NCAPG2: variants seen among roughly 807,000 people sequenced by gnomAD.
NCAPG2 encodes the protein non-SMC condensin II complex subunit G2, also known as condensin-2 complex subunit G2.
NCAPG2 carries 53 observed loss-of-function variants against 141.1 expected under a neutral mutation model. The observed-to-expected ratio is 0.38, with a 90% confidence interval of 0.30 to 0.47. The LOEUF (loss-of-function observed/expected upper bound fraction) is 0.47, where lower values mean the gene tolerates loss of function less well. Among genes scored for constraint, NCAPG2 ranks in the 20% least tolerant of loss-of-function variants. NCAPG2 has a pLI of 0.99. For synonymous variants in NCAPG2, 499 were observed against 490.7 expected (o/e 1.02, Z -0.22); for missense variants, 1,087 against 1,389.0 (o/e 0.78, Z 3.46).
chr7:158,681,126 G>A (rs111326405), intron 9 of NCAPG2, among the ~76,000 whole-genome samples: 12 of 152,176 alleles, frequency 7.9e-5, no homozygotes, highest in Non-Finnish European at 1.3e-4. Context: ...AAAAAGACTC[G>A]TTTAAACCTC....
chr7:158,634,803 C>T (rs1002563430), intron 27 of NCAPG2, among the ~76,000 whole-genome samples: 10 of 152,106 alleles, frequency 6.6e-5, no homozygotes, highest in East Asian at 1.9e-4. Flanking sequence ...AAGAATTGAA[C>T]ACACTATGTA....
At chr7:158,635,210 T>C (rs1053524732) in intron 27 of NCAPG2, among the ~76,000 whole-genome samples, 9 of 152,326 alleles carry the variant, frequency 5.9e-5, no homozygotes, top group Middle Eastern at 3.4e-3. Context: ...GTATGGATGA[T>C]GGAAGCATAC....
At chr7:158,694,533 C>G in intron 2 of NCAPG2, among the ~76,000 whole-genome samples, 1 of 152,188 alleles carries the variant, frequency 6.6e-6, no homozygotes, top group East Asian at 1.9e-4. Flanking sequence ...CCTGTCTTGA[C>G]AGCGCCGAGG....
At chr7:158,655,584 G>C (rs1831854493) in intron 19 of NCAPG2, 129 bp from the exon 20 acceptor site, 1 of 406,278 alleles carries the variant, frequency 2.5e-6, no homozygotes, top group Non-Finnish European at 3.9e-6. Flanking sequence ...GTGAAGCCCA[G>C]TGTCTGCTGA....
At chr7:158,668,550 T>G in intron 13 of NCAPG2, 1 of 586,284 alleles carries the variant, frequency 1.7e-6, no homozygotes, top group Non-Finnish European at 2.1e-6. Flanking sequence ...AGTCCGGCAG[T>G]GTGGCCTGGA....
chr7:158,672,280 GTGTGTGTGTGTGTATATATATA>G (rs1279489551), intron 12 of NCAPG2, among the ~76,000 whole-genome samples: 3,289 of 50,326 alleles, frequency 0.065, 156 homozygotes, highest in South Asian at 0.16. Flanking sequence ...CCAAACACAT[GTGTGTGTGTGTGTATATATATA>G]TATATATATA....
intron 24 of NCAPG2, 98 bp from the exon 25 acceptor site, chr7:158,646,661 T>C: frequency 1.4e-6 from 1 of 698,684 alleles, no homozygotes; most frequent in Non-Finnish European, 2.4e-6. Flanking sequence ...AAGAAAAACT[T>C]TCTAGAAATT....
At chr7:158,671,454 T>C in intron 13 of NCAPG2, 60 bp downstream of exon 13, 1 of 1,586,292 alleles carries the variant, frequency 6.3e-7, no homozygotes, top group Non-Finnish European at 8.6e-7. Context: ...ACTTTCTTTC[T>C]GTTTGATGAA....
At chr7:158,693,668 TA>T (rs1285054783) in intron 2 of NCAPG2, among the ~76,000 whole-genome samples, 171 bp from the exon 3 acceptor site, 1 of 152,230 alleles carries the variant, frequency 6.6e-6, no homozygotes, top group Non-Finnish European at 1.5e-5. Context: ...ATTCTCCACC[TA>T]TTCTTTCCTA....
intron 12 of NCAPG2, among the ~76,000 whole-genome samples, chr7:158,674,288 ATTTT>A (rs34536237): frequency 1.7e-5 from 2 of 114,416 alleles, no homozygotes; most frequent in Non-Finnish European, 1.8e-5. Flanking sequence ...AAAAAAAAAA[ATTTT>A]TTTTTTTTTT....
chr7:158,656,441 A>G lies in NCAPG2; in HGVS notation c.2215-8T>C. ...TTTAGAAGCTGTGTTGCTCTGAAAG[A>G]AGAGAGAGAGAAACTGATAATGAAA... On this transcript the variant is annotated splice_region_variant and splice_polypyrimidine_tract_variant and intron_variant, in intron 18 of 27. Transcript: ENST00000356309. 1 of 1,612,930 alleles carries G rather than the reference A, an allele frequency of 6.2e-7. No individual in the cohort carries two copies. The highest frequency in any genetic ancestry group is 2.2e-5 in the East Asian group (1 of 44,876).
chr7:158,660,258 G>A (rs998761279), intron 16 of NCAPG2, among the ~76,000 whole-genome samples: 1 of 152,056 alleles, frequency 6.6e-6, no homozygotes, highest in African/African-American at 2.4e-5. Context: ...AGAATTAACT[G>A]AATCCCAAGA....
chr7:158,700,349 C>T (rs1835704045), intron 2 of NCAPG2, among the ~76,000 whole-genome samples: 1 of 152,204 alleles, frequency 6.6e-6, no homozygotes, highest in African/African-American at 2.4e-5. Context: ...CAACGGGTGG[C>T]TGGAAACAAC....
Position 158,687,442 on chromosome 7 carries a change from C to A in NCAPG2, c.673G>T (p.Gly225Ter). 6.3e-7 allele frequency: 1 copy of A among 1,586,800 alleles called. No homozygotes were observed. Among genetic ancestry groups the A allele is most frequent in the Non-Finnish European group, 8.6e-7 (1 of 1,165,214 alleles). Residue 225 changes from glycine (G) to a stop codon, truncating the protein, a stop_gained and splice_region_variant, in exon 7 of 28, where the codon GGA (glycine) becomes TGA (stop). Transcript: ENST00000356309. LOFTEE classifies it high-confidence loss of function. Reference sequence around the variant, plus strand: ...AAGAGACAACTAAGAAATCTTCTTCCCTAGAAATAAAAAAGGATAGAATGT... The same window carrying A: ...AAGAGACAACTAAGAAATCTTCTTCACTAGAAATAAAAAAGGATAGAATGT... ...ININYIKKEE[G>*]RRFLSCLFNW...
Position 158,652,341 on chromosome 7 carries a change from C to T in NCAPG2, c.2886G>A (p.Leu962=), listed in dbSNP as rs1202829221. 6.2e-7 allele frequency: 1 copy of T among 1,613,904 alleles called. No homozygotes were observed. The highest frequency in any genetic ancestry group is 1.1e-5 in the South Asian group (1 of 90,954). ...DTVQKVFQKM[L]ECIARSFRKQ... is the part of the protein sequence containing the mutation. ...TCCTGAAGCTCCGTGCAATACATTC[C>T]AACATTTTCTGAAATACTTTCTGGA... is the stretch of plus-strand genomic sequence containing the variant. The change falls in exon 23 of 28, where the codon TTG becomes TTA. Residue 962 remains leucine (L), a synonymous_variant. Transcript: ENST00000356309.
Position 158,655,113 on chromosome 7 carries a change from C to CT in NCAPG2, c.2646+4dup. On this transcript the variant is annotated splice_donor_region_variant and intron_variant, in intron 21 of 27. Transcript: ENST00000356309. ...GAAAGTTTTCTGTGTCTTAAGACTT[C>CT]TAACCTGGATAATTTGCTGATAAAT... 6.2e-7 allele frequency: 1 copy of CT among 1,606,146 alleles called. No individual in the cohort carries two copies. Among genetic ancestry groups the CT allele is most frequent in the Non-Finnish European group, 8.5e-7 (1 of 1,177,962 alleles).
chr7:158,687,044 G>C (rs1390142617), intron 7 of NCAPG2, among the ~76,000 whole-genome samples: 1 of 151,980 alleles, frequency 6.6e-6, no homozygotes, highest in Non-Finnish European at 1.5e-5. Flanking sequence ...CAACCAAAAA[G>C]CACACATTGC....
chr7:158,666,631 G>T (rs1832961836), intron 13 of NCAPG2, among the ~76,000 whole-genome samples: 1 of 151,514 alleles, frequency 6.6e-6, no homozygotes, highest in African/African-American at 2.4e-5. Flanking sequence ...TGAAGAAATA[G>T]AAGTAGACTT....
chr7:158,669,584 G>A (rs1833537677), intron 13 of NCAPG2, among the ~76,000 whole-genome samples: 1 of 151,598 alleles, frequency 6.6e-6, no homozygotes, highest in Non-Finnish European at 1.5e-5. Flanking sequence ...CCAACATGGT[G>A]AAACCCCATC....
Sources: gnomAD v4.1 joint callset for allele counts (sites outside exome capture counted in the v4.1 genomes callset) on GRCh38, gnomAD v4.1.1 for gene constraint, MANE v1.5 for transcripts, NCBI Gene and HGNC (gene_info 2026-07-23, HGNC 2026-07-21) for gene names.